The following FANCG variants were observed in gnomAD, a reference collection of about 807,000 sequenced individuals.
FANCG encodes Fanconi anemia group G protein.
Under a neutral mutation model 73.3 loss-of-function variants are expected in FANCG, and 67 were observed. The ratio of observed to expected loss-of-function variants is 0.91; its 90% CI spans 0.75 to 1.12. The LOEUF (loss-of-function observed/expected upper bound fraction) is 1.12. FANCG is among the 50% of genes most tolerant of loss of function. FANCG has a pLI of 0.00. For synonymous variants in FANCG, 297 were observed against 311.6 expected, an observed-to-expected ratio of 0.95 and a Z score of 0.49; for missense variants, 643 against 735.6, an observed-to-expected ratio of 0.87 and a Z score of 1.46.
chr9:35,077,722 G>A (rs1047445624), intron 4 of FANCG, among the ~76,000 whole-genome samples: 4 of 151,822 alleles, frequency 2.6e-5, no homozygotes, highest in African/African-American at 4.8e-5. Flanking sequence ...GAGCTGACTT[G>A]AGCAAGATCA....
chr9:35,074,337 C>T (rs564707477), intron 13 of FANCG, 34 bp downstream of exon 13: 14 of 1,614,148 alleles, frequency 8.7e-6, no homozygotes, highest in Admixed American at 3.3e-5. Context: ...CACCAACTGC[C>T]CCTCAGCCCC....
intron 11 of FANCG, 75 bp downstream of exon 11, chr9:35,075,204 G>A (rs1027686438): frequency 6.2e-7 from 1 of 1,603,224 alleles, no homozygotes; most frequent in African/African-American, 1.3e-5. Flanking sequence ...TGGTGGGCTG[G>A]GACACATTAA....
In FANCG at chr9:35,074,971, G is replaced by A. The variant is rs745748580; in HGVS notation, c.1592C>T (p.Thr531Ile). The change falls in exon 12 of 14, where the codon ACC (threonine) becomes ATC (isoleucine). Residue 531 changes from threonine (T) to isoleucine (I), a missense_variant. Physicochemically the swap from Thr to Ile is moderately conservative, Grantham distance 89. Transcript: ENST00000378643. ...GLEWVASGQD[T>I]KALQDFLLSV... is the part of the protein sequence containing the mutation. The stretch of plus-strand genomic sequence containing the variant: ...GAGGAGGAAGTCCTGTAAGGCTTTG[G>A]TATCCTGGCCGCTGGCTACCCATTC... 9 of 1,614,090 alleles carry A rather than the reference G, an allele frequency of 5.6e-6. No individual in the cohort carries two copies. In the East Asian group the frequency reaches 1.6e-4, roughly 28 times the overall value.
At chr9:35,074,325 G>A (rs1200628516) in intron 13 of FANCG, 46 bp downstream of exon 13, 1 of 1,614,076 alleles carries the variant, frequency 6.2e-7, no homozygotes, top group African/African-American at 1.3e-5. Context: ...AGGACTCTAG[G>A]ACACCAACTG....
intron 13 of FANCG, 61 bp downstream of exon 13, chr9:35,074,310 G>A (rs1006103311): frequency 1.6e-5 from 26 of 1,613,698 alleles, no homozygotes; most frequent in South Asian, 2.2e-5. Context: ...CCCACAATAG[G>A]TCCAAGGACT....
In FANCG at chr9:35,079,628, A is replaced by C. The variant is rs1344565901; in HGVS notation, c.-104T>G. The C allele has an allele frequency of 2.6e-6, 3 of 1,148,124 alleles. No individual in the cohort carries two copies. The highest frequency in any genetic ancestry group is 1.8e-5 in the Admixed American group (1 of 56,972). 71.1% of individuals were successfully genotyped at this position (1,148,124 alleles called of 1,614,324 possible). ...CGGGGAGGGGCCTGGGCACTTCTGC[A>C]CCCCGCCGAGCTCCCCTGCTTCTCT... On this transcript the variant is annotated 5_prime_UTR_variant, in exon 1 of 14. Coordinates refer to ENST00000378643, the MANE Select transcript of FANCG (RefSeq NM_004629.2).
rs916380820 is a variant in FANCG at position 35,079,093 on chromosome 9, G to T, written c.175+58C>A. 5.6e-6 allele frequency: 8 copies of T among 1,424,122 alleles called. 1 individual carries two copies. The Admixed American group carries it at 1.5e-4, about 27-fold the overall frequency. The allele number at this position is 1,424,122 out of a possible 1,614,324, so 88.2% of individuals were successfully genotyped here. A position where few individuals can be genotyped will look rare whatever the true frequency, so the allele number is the denominator to read the frequency against. On this transcript the variant is annotated intron_variant, in intron 2 of 13. Transcript: ENST00000378643. ...ATATCGATCCCAAAAACGCAGGAGC[G>T]GATGTTTCTCTGGCTATGGAAGAGG...
In FANCG at chr9:35,079,489, G is replaced by A. The variant is rs2131060367; in HGVS notation, c.36C>T (p.Cys12=). The A allele has an allele frequency of 6.2e-7, 1 of 1,614,142 alleles. No homozygotes were observed. Among genetic ancestry groups the A allele is most frequent in the East Asian group, 2.2e-5 (1 of 44,870 alleles). The change falls in exon 1 of 14, where the codon TGC becomes TGT. Residue 12 remains cysteine, a synonymous_variant. Transcript: ENST00000378643. ...SRQTTSVGSS[C]LDLWREKNDR... is the part of the protein sequence containing the mutation. ...CATTCTTTTCCCTCCACAGGTCCAGGCAGCTGGAGCCCACAGAGGTGGTCT... is the reference window on the plus strand; with the variant it reads ...CATTCTTTTCCCTCCACAGGTCCAGACAGCTGGAGCCCACAGAGGTGGTCT...
chr9:35,079,344 A>C lies in FANCG; in HGVS notation c.84+97T>G, dbSNP rs991748991. On this transcript the variant is annotated intron_variant, in intron 1 of 13. Coordinates refer to ENST00000378643, the MANE Select transcript of FANCG (RefSeq NM_004629.2). ...TCCAGTCATTTCTGGCTCTTTGGTC[A>C]AGCTCAGTCCCTCCCCATCGGTTGG... 21 of 1,560,840 alleles carry C rather than the reference A, an allele frequency of 1.3e-5. 1 individual carries two copies. The highest frequency in any genetic ancestry group is 1.9e-5 in the Non-Finnish European group (21 of 1,131,824).
At chr9:35,077,604 A>AT (rs1388497977) in intron 4 of FANCG, among the ~76,000 whole-genome samples, 2 of 152,126 alleles carry the variant, frequency 1.3e-5, no homozygotes, top group African/African-American at 4.8e-5. Context: ...TGAGGCAAGA[A>AT]TTAAAAAAAA....
chr9:35,078,253 G>C lies in FANCG; in HGVS notation c.398C>G (p.Pro133Arg). ...GCGGTGCAGGGCAGACAGCAGCTCC[G>C]GCAGAAGGCAGGAAGCACGAAGGAC... ...DSVLRASCLL[P>R]ELLSALHRLV... The change falls in exon 4 of 14, where the codon CCG becomes CGG. Residue 133 changes from proline to arginine, a missense_variant. By Grantham distance (103) the Pro-to-Arg change is moderately radical. Coordinates refer to ENST00000378643, the MANE Select transcript of FANCG (RefSeq NM_004629.2). 1 of 1,614,166 alleles carries C rather than the reference G, an allele frequency of 6.2e-7. No individual in the cohort carries two copies. The highest frequency in any genetic ancestry group is 8.5e-7 in the Non-Finnish European group (1 of 1,180,042).
chr9:35,076,625 G>A (rs2131055657), intron 7 of FANCG, 42 bp from the exon 8 acceptor site: 1 of 1,614,050 alleles, frequency 6.2e-7, no homozygotes, highest in Non-Finnish European at 8.5e-7. Context: ...ATCTTTGGGA[G>A]CCATACTTCC....
chr9:35,075,917 C>T, intron 9 of FANCG, 45 bp downstream of exon 9: 1 of 1,606,868 alleles, frequency 6.2e-7, no homozygotes, highest in Non-Finnish European at 8.5e-7. Flanking sequence ...AAAGGGGACA[C>T]CAACCCGTCT....
intron 4 of FANCG, 195 bp downstream of exon 4, chr9:35,077,946 A>G: frequency 1.6e-6 from 1 of 625,208 alleles, no homozygotes; most frequent in Non-Finnish European, 2.9e-6. Flanking sequence ...CCAATTTTTA[A>G]AAAACACTCC....
At position 35,074,017 on chromosome 9, in the gene FANCG, G is replaced by C; in HGVS notation, c.*91C>G. The C allele has an allele frequency of 8.3e-6, 8 of 961,222 alleles. No individual in the cohort carries two copies. Among genetic ancestry groups the C allele is most frequent in the Non-Finnish European group, 1.4e-5 (8 of 588,726 alleles). 59.5% of individuals were successfully genotyped at this position (961,222 alleles called of 1,614,324 possible). On this transcript the variant is annotated 3_prime_UTR_variant, in exon 14 of 14. Coordinates refer to ENST00000378643, the MANE Select transcript of FANCG (RefSeq NM_004629.2). ...CCAGTCCAGGAATTATATAGGAATG[G>C]TCACATTCCTAATGATGGTGAAGCA...
Position 35,079,939 on chromosome 9 carries a change from A to G in FANCG, c.-415T>C. The G allele has an allele frequency of 2.6e-6, 1 of 387,898 alleles. No individual in the cohort carries two copies. Among genetic ancestry groups the G allele is most frequent in the African/African-American group, 2.0e-5 (1 of 49,740 alleles). The allele number at this position is 387,898 out of a possible 1,614,324, so 24.0% of individuals were successfully genotyped here. A position where few individuals can be genotyped will look rare whatever the true frequency, so the allele number is the denominator to read the frequency against. On this transcript the variant is annotated 5_prime_UTR_variant, in exon 1 of 14. Coordinates refer to ENST00000378643, the MANE Select transcript of FANCG (RefSeq NM_004629.2). ...TCTCGCGGAGGCCACAGCCTCGAGAAAGGGTGGGCGGGAGCGAGTTTCGGC... is the reference window on the plus strand; with the variant it reads ...TCTCGCGGAGGCCACAGCCTCGAGAGAGGGTGGGCGGGAGCGAGTTTCGGC...
In FANCG at chr9:35,077,491, G is replaced by A; in HGVS notation, c.511-92C>T. 6 of 1,539,620 alleles carry A rather than the reference G, an allele frequency of 3.9e-6. No homozygotes were observed. In the South Asian group the frequency reaches 6.7e-5, roughly 17 times the overall value. On this transcript the variant is annotated intron_variant, in intron 4 of 13. Transcript: ENST00000378643. ...ATCCTGGCTAGACCTTGAGCTCAAG[G>A]GTCCTCTTGATCCTTGAGGACACAG...
rs761579255 is a variant in FANCG, at chr9:35,076,747, C to T, written c.901G>A (p.Glu301Lys). ...ACCTCAACTAGCAGCTCCAGACTCT[C>T]CAGCTCTGCTGTTGTGTCCCCCAGT... ...QQLGDTTAELESLELLVEALN... is the reference protein window; with the variant it reads ...QQLGDTTAELKSLELLVEALN... Residue 301 changes from glutamate (E) to lysine (K), a missense_variant, in exon 7 of 14, where the codon GAG becomes AAG. Glu to Lys is a moderately conservative substitution (Grantham distance 56, BLOSUM62 1). Coordinates refer to ENST00000378643, the MANE Select transcript of FANCG (RefSeq NM_004629.2). 3 of 1,614,226 alleles carry T rather than the reference C, an allele frequency of 1.9e-6. No homozygotes were observed. The South Asian group carries it at 3.3e-5, about 18-fold the overall frequency.
intron 13 of FANCG, 56 bp downstream of exon 13, chr9:35,074,315 A>G: frequency 6.2e-7 from 1 of 1,614,048 alleles, no homozygotes. Flanking sequence ...AATAGGTCCA[A>G]GGACTCTAGG....
Sources: allele counts gnomAD v4.1 joint callset (sites outside exome capture counted in the v4.1 genomes callset), GRCh38; gene constraint gnomAD v4.1.1; transcripts MANE v1.5; gene names NCBI Gene and HGNC (gene_info 2026-07-23, HGNC 2026-07-21).